ADGRV1: variants seen among roughly 807,000 people sequenced by gnomAD.
ADGRV1 encodes adhesion G protein-coupled receptor V1.
Under a neutral mutation model 596.2 loss-of-function variants are expected in ADGRV1, and 359 were observed. That is an observed-to-expected ratio of 0.60 (90% CI 0.55 to 0.66). The LOEUF is 0.66. Ranked by LOEUF, ADGRV1 falls within the 30% of genes least tolerant of loss-of-function variation. The probability of loss-of-function intolerance (pLI) is 0.00; values close to 1 mark genes in which losing one functional copy is unlikely to be tolerated. For missense variants in ADGRV1, 7,274 were observed against 7,575.6 expected, an observed-to-expected ratio of 0.96 and a Z score of 1.48; for synonymous variants, 2,681 against 2,679.2, an observed-to-expected ratio of 1.00 and a Z score of -0.02.
rs760733336 is a variant in ADGRV1 at position 90,790,898 on chromosome 5, T to G, written c.14069T>G (p.Phe4690Cys). The change falls in exon 70 of 90, where the codon TTT (phenylalanine) becomes TGT (cysteine). Residue 4690 changes from phenylalanine (F) to cysteine (C), a missense_variant. Phe to Cys is a radical substitution (Grantham distance 205). Around this residue, in one of 5 missense-constraint regions of ADGRV1, gnomAD observed 1,874 missense variants for 1,970.2 expected, o/e 0.95. Coordinates refer to ENST00000405460, the MANE Select transcript of ADGRV1 (RefSeq NM_032119.4). ...GTTTACTGGGAATTAAGTAGTGAGTTTGACATTACTGAAGACTTTCTTTCC... is the reference window on the plus strand; with the variant it reads ...GTTTACTGGGAATTAAGTAGTGAGTGTGACATTACTGAAGACTTTCTTTCC... The part of the protein sequence containing the change: ...IMVYWELSSE[F>C]DITEDFLSTS... The G allele has an allele frequency of 1.5e-5, 24 of 1,610,544 alleles. No homozygotes were observed. Among genetic ancestry groups the G allele is most frequent in the Admixed American group, 1.7e-5 (1 of 59,920 alleles).
At chr5:91,027,289 C>G (rs967712531) in intron 85 of ADGRV1, among the ~76,000 whole-genome samples, 1 of 151,970 alleles carries the variant, frequency 6.6e-6, no homozygotes, top group African/African-American at 2.4e-5. Context: ...CTTTGATAAT[C>G]TAACAGAAGG....
At chr5:90,983,397 T>G (rs1325196005) in intron 84 of ADGRV1, among the ~76,000 whole-genome samples, 1 of 152,210 alleles carries the variant, frequency 6.6e-6, no homozygotes, top group Non-Finnish European at 1.5e-5. Flanking sequence ...TTTATCATGG[T>G]GAATCAGCTT....
intron 70 of ADGRV1, chr5:90,793,022 C>A (rs1760251678): frequency 6.6e-6 from 1 of 152,202 alleles, no homozygotes; most frequent in Non-Finnish European, 1.5e-5. Flanking sequence ...CGGACAGTTG[C>A]CCTGGCTGGC....
At chr5:91,006,337 CA>C (rs1329408445) in intron 85 of ADGRV1, among the ~76,000 whole-genome samples, 2 of 151,864 alleles carry the variant, frequency 1.3e-5, no homozygotes, top group Non-Finnish European at 2.9e-5. Flanking sequence ...ATTGCAAATC[CA>C]AAATTAGATA....
At chr5:90,871,273 AT>A (rs1232347232) in intron 83 of ADGRV1, among the ~76,000 whole-genome samples, 1 of 152,226 alleles carries the variant, frequency 6.6e-6, no homozygotes, top group East Asian at 1.9e-4. Flanking sequence ...CCCCAAAAAA[AT>A]ATTATTTTAT....
intron 75 of ADGRV1, among the ~76,000 whole-genome samples, chr5:90,820,891 G>T (rs1321167262): frequency 6.6e-6 from 1 of 152,028 alleles, no homozygotes; most frequent in Non-Finnish European, 1.5e-5. Context: ...ACAGTTATGT[G>T]TCTTGGAGTT....
chr5:90,772,896 G>T (rs1312202830), intron 59 of ADGRV1, among the ~76,000 whole-genome samples: 2 of 152,200 alleles, frequency 1.3e-5, no homozygotes, highest in Admixed American at 6.5e-5. Context: ...TCTGATAGCG[G>T]TGGCTCATGC....
At chr5:91,092,257 G>C (rs1790452608) in intron 86 of ADGRV1, among the ~76,000 whole-genome samples, 1 of 152,082 alleles carries the variant, frequency 6.6e-6, no homozygotes, top group African/African-American at 2.4e-5. Context: ...CTGCCACCAG[G>C]CTGGCTAATT....
rs58163847 is a variant in ADGRV1, at chr5:90,736,195, AT to A, written c.10549+6438del. On this transcript the variant is annotated intron_variant, in intron 50 of 89. Coordinates refer to ENST00000405460, the MANE Select transcript of ADGRV1 (RefSeq NM_032119.4). ...GAGCTTTTATCATGAAAGGATGTTG[AT>A]TTTTTTCAAATACTTTGCATCAATT... Among the ~76,000 whole-genome samples the A allele has an allele frequency of 6.8e-3, 1,035 of 151,750 alleles. 14 individuals are homozygous for A. The highest frequency in any genetic ancestry group is 0.024 in the African/African-American group (993 of 41,396).
chr5:90,993,914 G>T, intron 85 of ADGRV1, among the ~76,000 whole-genome samples: 1 of 149,586 alleles, frequency 6.7e-6, no homozygotes, highest in African/African-American at 2.5e-5. Context: ...AATTTTTTTG[G>T]TTCTATTTTT....
chr5:90,696,117 T>A (rs1450595781), intron 33 of ADGRV1, among the ~76,000 whole-genome samples: 1 of 152,158 alleles, frequency 6.6e-6, no homozygotes, highest in East Asian at 1.9e-4. Context: ...ATGCATTTAA[T>A]CTCCTTTCTC....
chr5:90,805,861 TA>T (rs1017773936), intron 72 of ADGRV1, among the ~76,000 whole-genome samples: 4 of 152,218 alleles, frequency 2.6e-5, no homozygotes, highest in African/African-American at 9.7e-5. Context: ...CTTTATTTTT[TA>T]AAGTATACCA....
rs1489463964 is a variant in ADGRV1 at position 90,629,381 on chromosome 5, C to T, written c.1681C>T (p.Pro561Ser). Reference protein sequence around the residue: ...VRLLYSVLYIPAGAVDPLQAK... With the variant: ...VRLLYSVLYISAGAVDPLQAK... ...GTTGCTTTATTCTGTACTTTACATT[C>T]CTGCTGGAGCTGTGGACCCCTTGCA... Residue 561 changes from proline (P) to serine (S), a missense_variant, in exon 9 of 90, where the codon CCT (proline) becomes TCT (serine). Coordinates refer to ENST00000405460, the MANE Select transcript of ADGRV1 (RefSeq NM_032119.4). 1 of 1,613,538 alleles carries T rather than the reference C, an allele frequency of 6.2e-7. No homozygotes were observed. The highest frequency in any genetic ancestry group is 8.5e-7 in the Non-Finnish European group (1 of 1,179,800).
intron 33 of ADGRV1, among the ~76,000 whole-genome samples, chr5:90,695,303 C>T (rs1747043165): frequency 6.6e-6 from 1 of 152,056 alleles, no homozygotes; most frequent in Non-Finnish European, 1.5e-5. Context: ...ACATGATCAG[C>T]TAATTAGAAT....
Position 90,692,591 on chromosome 5 carries a change from C to T in ADGRV1, c.6952-14C>T. 6.3e-7 allele frequency: 1 copy of T among 1,589,712 alleles called. No homozygotes were observed. ...ACTGTGATGCTGTTAAGGAAGTTTT[C>T]ACTGTATTTTTAGGTTATCCAAGTG... On this transcript the variant is annotated splice_polypyrimidine_tract_variant and intron_variant, in intron 31 of 89. Coordinates refer to ENST00000405460, the MANE Select transcript of ADGRV1 (RefSeq NM_032119.4).
At chr5:90,947,195 G>A (rs927894550) in intron 83 of ADGRV1, among the ~76,000 whole-genome samples, 5 of 152,074 alleles carry the variant, frequency 3.3e-5, no homozygotes, top group Non-Finnish European at 7.4e-5. Context: ...GGCATGAGAC[G>A]GTATCTCATT....
At position 90,822,915 on chromosome 5, in the gene ADGRV1, A is replaced by G. The variant is rs571312721; in HGVS notation, c.16197-510A>G. Among the ~76,000 whole-genome samples the G allele has an allele frequency of 2.0e-5, 3 of 152,176 alleles. No individual in the cohort carries two copies. The East Asian group carries it at 5.8e-4, about 29-fold the overall frequency. On this transcript the variant is annotated intron_variant, in intron 75 of 89. Coordinates refer to ENST00000405460, the MANE Select transcript of ADGRV1 (RefSeq NM_032119.4). ...AATTGTGAATGGGAGTTCACTCATGATTTGGCTCTCTGTTTGTCTGTTATT... is the reference window on the plus strand; with the variant it reads ...AATTGTGAATGGGAGTTCACTCATGGTTTGGCTCTCTGTTTGTCTGTTATT...
chr5:90,971,587 T>C (rs1161798057), intron 84 of ADGRV1, among the ~76,000 whole-genome samples: 3 of 152,210 alleles, frequency 2.0e-5, no homozygotes, highest in Non-Finnish European at 4.4e-5. Flanking sequence ...CAGAATTTCA[T>C]ATCCAGCCAA....
rs778872728 is a variant in ADGRV1 at position 90,708,903 on chromosome 5, A to G, written c.8818A>G (p.Arg2940Gly). 3.1e-6 allele frequency: 5 copies of G among 1,606,530 alleles called. No homozygotes were observed. In the East Asian group the frequency reaches 1.1e-4, roughly 36 times the overall value. ...TMAASTSFPP[R>G]LDSEGLTAQV... is the part of the protein sequence containing the mutation. ...GGCTGCTTCAACTTCATTTCCTCCCAGACTAGGTATGAGGGGTTTCTTGTT... is the reference window on the plus strand; with the variant it reads ...GGCTGCTTCAACTTCATTTCCTCCCGGACTAGGTATGAGGGGTTTCTTGTT... Residue 2940 changes from arginine to glycine, a missense_variant, in exon 39 of 90, where the codon AGA becomes GGA. Arg to Gly is a moderately radical substitution (Grantham distance 125, BLOSUM62 -2). This residue lies in a region of ADGRV1 where 3,643 missense variants were observed against 3,809.2 expected (regional missense o/e 0.96). Transcript: ENST00000405460.
Sources: gnomAD v4.1 joint callset for allele counts (sites outside exome capture counted in the v4.1 genomes callset) on GRCh38, gnomAD v4.1.1 for gene constraint, gnomAD v4.1.1 regional missense constraint, MANE v1.5 for transcripts, NCBI Gene and HGNC (gene_info 2026-07-23, HGNC 2026-07-21) for gene names.